TSPAN18: variants seen among roughly 807,000 people sequenced by gnomAD.
The protein encoded by TSPAN18 is tetraspanin 18, also known as tetraspanin-18.
A neutral mutation model predicts 27.3 loss-of-function variants in TSPAN18; 14 were observed. The ratio of observed to expected loss-of-function variants is 0.51; its 90% CI spans 0.34 to 0.80. The LOEUF is 0.80. Among genes scored for constraint, TSPAN18 ranks in the 30% least tolerant of loss-of-function variants. TSPAN18 has a pLI of 0.01. For missense variants in TSPAN18, 268 were observed against 323.9 expected (o/e 0.83, Z 1.32); for synonymous variants, 143 against 136.5 (o/e 1.05, Z -0.33).
chr11:44,733,290 A>G (rs963891668), intron 1 of TSPAN18, among the ~76,000 whole-genome samples: 1 of 152,218 alleles, frequency 6.6e-6, no homozygotes, highest in Non-Finnish European at 1.5e-5. Context: ...TTGTTAACAC[A>G]TAGAAGCTTC....
At chr11:44,879,274 C>T (rs1174660756) in intron 3 of TSPAN18, among the ~76,000 whole-genome samples, 1 of 152,012 alleles carries the variant, frequency 6.6e-6, no homozygotes, top group Non-Finnish European at 1.5e-5. Flanking sequence ...CTTCCTTCCT[C>T]CTTCTTCTTT....
At chr11:44,754,170 G>T (rs930928178) in intron 1 of TSPAN18, among the ~76,000 whole-genome samples, 2 of 152,190 alleles carry the variant, frequency 1.3e-5, no homozygotes, top group East Asian at 1.9e-4. Flanking sequence ...TTCTGCATTA[G>T]AATATATTTA....
At chr11:44,906,071 C>G (rs1564988244) in intron 3 of TSPAN18, among the ~76,000 whole-genome samples, 1 of 152,174 alleles carries the variant, frequency 6.6e-6, no homozygotes, top group Non-Finnish European at 1.5e-5. Flanking sequence ...ACCACGTGCC[C>G]GACGATGTGC....
chr11:44,888,070 C>T (rs910535096), intron 3 of TSPAN18, among the ~76,000 whole-genome samples: 4 of 152,128 alleles, frequency 2.6e-5, no homozygotes, highest in Non-Finnish European at 4.4e-5. Context: ...CTGTGAGAAG[C>T]GGCAGAAACT....
intron 2 of TSPAN18, among the ~76,000 whole-genome samples, chr11:44,781,795 T>C (rs1050463040): frequency 1.3e-5 from 2 of 152,212 alleles, no homozygotes; most frequent in African/African-American, 4.8e-5. Context: ...CCCCGTAAGA[T>C]AGAAATTTTC....
chr11:44,812,887 C>CAG (rs1856747819), intron 2 of TSPAN18, among the ~76,000 whole-genome samples: 1 of 152,218 alleles, frequency 6.6e-6, no homozygotes, highest in South Asian at 2.1e-4. Flanking sequence ...TACACACACA[C>CAG]AGAAACACAC....
At chr11:44,788,010 G>A (rs868377582) in intron 2 of TSPAN18, among the ~76,000 whole-genome samples, 2 of 152,336 alleles carry the variant, frequency 1.3e-5, no homozygotes, top group South Asian at 2.1e-4. Context: ...TGTGGGACAA[G>A]TATCATTATC....
At chr11:44,738,454 A>C (rs933225559) in intron 1 of TSPAN18, among the ~76,000 whole-genome samples, 9 of 152,198 alleles carry the variant, frequency 5.9e-5, no homozygotes, top group African/African-American at 1.9e-4. Flanking sequence ...TTTTCCCATC[A>C]TAAAATGGGA....
At chr11:44,860,754 T>C (rs545860627) in intron 3 of TSPAN18, among the ~76,000 whole-genome samples, 189 of 152,188 alleles carry the variant, frequency 1.2e-3, no homozygotes, top group African/African-American at 4.4e-3. Flanking sequence ...GCCCACCAGG[T>C]TGCTGGCCCA....
chr11:44,923,253 A>G (rs1012639366), intron 8 of TSPAN18, among the ~76,000 whole-genome samples: 1 of 152,144 alleles, frequency 6.6e-6, no homozygotes, highest in Non-Finnish European at 1.5e-5. Context: ...TGTGGTGGCA[A>G]CCAGGCCTGG....
intron 3 of TSPAN18, among the ~76,000 whole-genome samples, chr11:44,878,269 G>T (rs118024536): frequency 6.6e-6 from 1 of 152,096 alleles, no homozygotes; most frequent in African/African-American, 2.4e-5. Flanking sequence ...GTGTAAGAAC[G>T]CTCTCCTCTT....
intron 3 of TSPAN18, among the ~76,000 whole-genome samples, chr11:44,873,671 C>T (rs1043073056): frequency 6.6e-6 from 1 of 152,208 alleles, no homozygotes; most frequent in African/African-American, 2.4e-5. Flanking sequence ...GGTTTATTTC[C>T]TTCTGGGAAG....
intron 2 of TSPAN18, among the ~76,000 whole-genome samples, chr11:44,849,043 T>C (rs576148040): frequency 6.6e-6 from 1 of 152,340 alleles, no homozygotes; most frequent in East Asian, 1.9e-4. Context: ...AGAACACATC[T>C]CTTAGCTGGG....
intron 5 of TSPAN18, among the ~76,000 whole-genome samples, chr11:44,910,225 G>A (rs1404197747): frequency 2.0e-5 from 3 of 152,204 alleles, no homozygotes; most frequent in African/African-American, 7.2e-5. Flanking sequence ...TTTCTCCCTG[G>A]GGTAGCCCTT....
chr11:44,739,987 G>A (rs1372752183), intron 1 of TSPAN18, among the ~76,000 whole-genome samples: 6 of 152,326 alleles, frequency 3.9e-5, no homozygotes, highest in African/African-American at 9.6e-5. Context: ...AGTCATTCCC[G>A]ACTAGTGGAA....
intron 2 of TSPAN18, among the ~76,000 whole-genome samples, chr11:44,772,934 G>C (rs1855721751): frequency 6.6e-6 from 1 of 152,048 alleles, no homozygotes. Flanking sequence ...TGGGATTACA[G>C]GCGTGAGCCA....
chr11:44,750,525 T>C (rs1456503346), intron 1 of TSPAN18, among the ~76,000 whole-genome samples: 2 of 152,176 alleles, frequency 1.3e-5, no homozygotes, highest in African/African-American at 4.8e-5. Context: ...TGAGGCGGTA[T>C]GTAGGGGATC....
chr11:44,827,795 CA>C (rs1312862202), intron 2 of TSPAN18, among the ~76,000 whole-genome samples: 6 of 152,128 alleles, frequency 3.9e-5, no homozygotes, highest in Non-Finnish European at 1.5e-5. Context: ...GAGGAAAGGG[CA>C]GTGTGGAATT....
intron 1 of TSPAN18, among the ~76,000 whole-genome samples, chr11:44,751,858 C>T (rs143691115): frequency 3.3e-5 from 5 of 150,918 alleles, no homozygotes; most frequent in South Asian, 4.2e-4. Context: ...ACCTGGGAGG[C>T]GGAGGTTTCA....
Sources: allele counts gnomAD v4.1 joint callset (sites outside exome capture counted in the v4.1 genomes callset), GRCh38; gene constraint gnomAD v4.1.1; transcripts MANE v1.5; gene names NCBI Gene and HGNC (gene_info 2026-07-23, HGNC 2026-07-21).